SLC39A11: variants seen among roughly 807,000 people sequenced by gnomAD.
The protein encoded by SLC39A11 is solute carrier family 39 member 11.
A neutral mutation model predicts 36.1 loss-of-function variants in SLC39A11; 33 were observed. The observed-to-expected ratio is 0.91, with a 90% CI of 0.69 to 1.22. The LOEUF is 1.22. Ranked by LOEUF, SLC39A11 falls within the 50% of genes most tolerant of loss-of-function variation. The probability of loss-of-function intolerance (pLI) is 0.00; values close to 1 mark genes in which losing one functional copy is unlikely to be tolerated. For synonymous variants in SLC39A11, 166 were observed against 170.3 expected (o/e 0.97, Z 0.20); for missense variants, 432 against 430.3 (o/e 1.00, Z -0.03).
intron 7 of SLC39A11, among the ~76,000 whole-genome samples, chr17:72,696,038 T>C (rs1016632912): frequency 1.2e-4 from 19 of 152,194 alleles, no homozygotes; most frequent in African/African-American, 4.6e-4. Context: ...ACCTGGATGC[T>C]GGGCGTGGTG....
intron 6 of SLC39A11, among the ~76,000 whole-genome samples, chr17:72,798,011 G>A (rs2076951489): frequency 6.6e-6 from 1 of 152,138 alleles, no homozygotes; most frequent in Admixed American, 6.5e-5. Flanking sequence ...GGACAGACGT[G>A]ACCACAGACT....
chr17:73,045,033 C>A lies in SLC39A11; in HGVS notation c.148-13319G>T, dbSNP rs552237526. ...GGTTTTTAAGTCTCAAAAAGGCTAC[C>A]TGCTCCCCCAATTCTGATGAGCCAC... On this transcript the variant is annotated intron_variant, in intron 3 of 9. Coordinates refer to ENST00000255559, the MANE Select transcript of SLC39A11 (RefSeq NM_139177.4). Among the ~76,000 whole-genome samples the A allele has an allele frequency of 9.9e-5, 15 of 152,130 alleles. No homozygotes were observed. The East Asian group carries it at 2.9e-3, about 29-fold the overall frequency.
intron 6 of SLC39A11, chr17:72,839,377 G>A (rs2078707786): frequency 6.6e-6 from 1 of 152,122 alleles, no homozygotes; most frequent in African/African-American, 2.4e-5. Flanking sequence ...GGATAATCTG[G>A]GTGGTCCCTC....
At chr17:72,712,151 G>A (rs74794135) in intron 7 of SLC39A11, among the ~76,000 whole-genome samples, 2,427 of 152,340 alleles carry the variant, frequency 0.016, 20 homozygotes, top group Middle Eastern at 0.02. Context: ...CTGAGAGGGA[G>A]CAGATGGGCT....
At chr17:72,760,441 G>A (rs1598610968) in intron 6 of SLC39A11, among the ~76,000 whole-genome samples, 1 of 152,202 alleles carries the variant, frequency 6.6e-6, no homozygotes, top group African/African-American at 2.4e-5. Flanking sequence ...TCCTATTGAT[G>A]AGGCTGGACC....
chr17:72,872,180 T>C (rs2080668564), intron 5 of SLC39A11, among the ~76,000 whole-genome samples: 1 of 152,156 alleles, frequency 6.6e-6, no homozygotes, highest in Non-Finnish European at 1.5e-5. Flanking sequence ...CCCAGCAAAG[T>C]CCCAGGAGTG....
intron 6 of SLC39A11, among the ~76,000 whole-genome samples, chr17:72,761,775 T>C (rs1271622958): frequency 6.6e-6 from 1 of 152,200 alleles, no homozygotes; most frequent in Non-Finnish European, 1.5e-5. Flanking sequence ...AAGAGATTTC[T>C]ATTTATGGGC....
At chr17:72,738,730 G>T (rs2074541744) in intron 6 of SLC39A11, among the ~76,000 whole-genome samples, 1 of 152,208 alleles carries the variant, frequency 6.6e-6, no homozygotes, top group Admixed American at 6.5e-5. Flanking sequence ...GGCTTTGGGG[G>T]TCAAATTCGA....
At chr17:72,709,566 GA>G in intron 7 of SLC39A11, among the ~76,000 whole-genome samples, 1 of 152,308 alleles carries the variant, frequency 6.6e-6, no homozygotes, top group South Asian at 2.1e-4. Flanking sequence ...ACTTGATAAA[GA>G]AAAAGGTATT....
intron 7 of SLC39A11, among the ~76,000 whole-genome samples, chr17:72,655,486 G>A (rs962184352): frequency 6.6e-6 from 1 of 152,164 alleles, no homozygotes; most frequent in African/African-American, 2.4e-5. Context: ...CCGTGGCATT[G>A]GGCCCCCTGT....
chr17:72,729,518 G>A (rs1598476970), intron 7 of SLC39A11, among the ~76,000 whole-genome samples: 1 of 119,622 alleles, frequency 8.4e-6, no homozygotes, highest in East Asian at 2.8e-4. Context: ...GGCTGGTCTT[G>A]AACTCCTGGG....
intron 3 of SLC39A11, among the ~76,000 whole-genome samples, chr17:73,078,103 T>C (rs55777424): frequency 0.21 from 32,297 of 151,852 alleles, 3,592 homozygotes; most frequent in Middle Eastern, 0.35. Context: ...CCGGGTGTGG[T>C]GGCGTGCACC....
chr17:73,067,177 A>G (rs1278564897), intron 3 of SLC39A11, among the ~76,000 whole-genome samples: 1 of 152,254 alleles, frequency 6.6e-6, no homozygotes, highest in Non-Finnish European at 1.5e-5. Context: ...CTCTTTCAGT[A>G]ATAGAATATC....
intron 7 of SLC39A11, among the ~76,000 whole-genome samples, chr17:72,671,718 T>TAA (rs35369499): frequency 2.7e-3 from 398 of 148,744 alleles, no homozygotes; most frequent in Non-Finnish European, 3.9e-3. Flanking sequence ...CAAAACTGTC[T>TAA]AAAAAAAAAA....
intron 4 of SLC39A11, among the ~76,000 whole-genome samples, chr17:72,958,842 C>T (rs985426695): frequency 6.7e-6 from 1 of 148,390 alleles, no homozygotes; most frequent in Admixed American, 6.8e-5. Flanking sequence ...CAGAGCGAGA[C>T]TCTGTCTTAA....
intron 4 of SLC39A11, among the ~76,000 whole-genome samples, chr17:73,015,399 T>G (rs1346470812): frequency 6.6e-6 from 1 of 152,156 alleles, no homozygotes; most frequent in Non-Finnish European, 1.5e-5. Flanking sequence ...CGTCACGACC[T>G]ATGCAAAAAT....
intron 1 of SLC39A11, among the ~76,000 whole-genome samples, chr17:73,090,090 G>A (rs765234375): frequency 6.6e-6 from 1 of 152,142 alleles, no homozygotes; most frequent in African/African-American, 2.4e-5. Context: ...GCTCAGCCCT[G>A]CCAGTTCCCG....
intron 6 of SLC39A11, among the ~76,000 whole-genome samples, chr17:72,758,757 C>G (rs2075455711): frequency 6.6e-6 from 1 of 152,236 alleles, no homozygotes; most frequent in Non-Finnish European, 1.5e-5. Context: ...CTGTGTGAGA[C>G]ACAGAAATCC....
chr17:72,701,932 C>T (rs1255145510), intron 7 of SLC39A11, among the ~76,000 whole-genome samples: 1 of 152,106 alleles, frequency 6.6e-6, no homozygotes, highest in African/African-American at 2.4e-5. Flanking sequence ...ATAAAGAGAC[C>T]CCATCTCTAT....
Sources: allele counts gnomAD v4.1 joint callset (sites outside exome capture counted in the v4.1 genomes callset), GRCh38; gene constraint gnomAD v4.1.1; transcripts MANE v1.5; gene names NCBI Gene and HGNC (gene_info 2026-07-23, HGNC 2026-07-21).